Variants in RASEF observed in about 807,000 individuals in gnomAD.
RASEF encodes the protein ras and EF-hand domain-containing protein.
In RASEF, 68 loss-of-function variants were observed where a neutral mutation model predicts 90.1. The observed-to-expected ratio is 0.75, with a 90% CI of 0.62 to 0.92. The LOEUF (loss-of-function observed/expected upper bound fraction) is 0.92, where lower values mean the gene tolerates loss of function less well. Among genes scored for constraint, RASEF ranks in the 40% least tolerant of loss-of-function variants. RASEF has a pLI of 0.00. For synonymous variants in RASEF, 331 were observed against 345.2 expected (o/e 0.96, Z 0.46); for missense variants, 949 against 937.2 (o/e 1.01, Z -0.16).
the RASEF span, among the ~76,000 whole-genome samples, chr9:83,119,201 T>C: frequency 6.8e-6 from 1 of 147,038 alleles, no homozygotes; most frequent in Non-Finnish European, 1.5e-5. Flanking sequence ...GTATTTTTGG[T>C]AGAGACGGGG....
the RASEF span, among the ~76,000 whole-genome samples, chr9:83,123,209 T>C: frequency 3.7e-5 from 5 of 136,192 alleles, no homozygotes; most frequent in South Asian, 9.8e-4. Context: ...CTCTGCACTC[T>C]GGCCTGGGCT....
chr9:83,153,804 T>C, the RASEF span, among the ~76,000 whole-genome samples: 25,426 of 152,268 alleles, frequency 0.17, 2,325 homozygotes, highest in Non-Finnish European at 0.21. Flanking sequence ...TAGTGAGGAC[T>C]GTGTGGCACG....
chr9:83,192,714 T>TAA, the RASEF span, among the ~76,000 whole-genome samples: 105 of 68,502 alleles, frequency 1.5e-3, no homozygotes, highest in African/African-American at 4.6e-3. Context: ...AAAATAATAG[T>TAA]AAAAAAAAAA....
chr9:83,216,819 A>G, the RASEF span, among the ~76,000 whole-genome samples: 1 of 152,078 alleles, frequency 6.6e-6, no homozygotes, highest in South Asian at 2.1e-4. Context: ...GAAACTGGCC[A>G]AAACAAAGGG....
At position 82,980,762 on chromosome 9, in the gene RASEF, A is replaced by G. The variant is rs188711091; in HGVS notation, c.*1915T>C. The G allele has an allele frequency of 4.6e-4, 70 of 152,324 alleles. No individual in the cohort carries two copies. The highest frequency in any genetic ancestry group is 1.3e-3 in the African/African-American group (54 of 41,572). 9.4% of individuals were successfully genotyped at this position (152,324 alleles called of 1,614,324 possible). A position where few individuals can be genotyped will look rare whatever the true frequency, so the allele number is the denominator to read the frequency against. On this transcript the variant is annotated 3_prime_UTR_variant, in exon 17 of 17. Coordinates refer to ENST00000376447, the MANE Select transcript of RASEF (RefSeq NM_152573.4). ...GGCAAAAGTTTTCCCATGCCACATA[A>G]ATAATACCCCCCTTATTTTGAAAAA...
At chr9:83,101,657 T>C in the RASEF span, among the ~76,000 whole-genome samples, 1 of 152,338 alleles carries the variant, frequency 6.6e-6, no homozygotes, top group Admixed American at 6.5e-5. Flanking sequence ...CACACCACGT[T>C]GATTCTCGTT....
chr9:83,161,537 A>G, the RASEF span, among the ~76,000 whole-genome samples: 1 of 152,128 alleles, frequency 6.6e-6, no homozygotes, highest in East Asian at 1.9e-4. Flanking sequence ...TTACATGCTC[A>G]TAGGTGGAAG....
Position 83,048,803 on chromosome 9 carries a change from C to T in RASEF, c.431+13634G>A, listed in dbSNP as rs897015639. On this transcript the variant is annotated intron_variant, in intron 1 of 16. Transcript: ENST00000376447. Reference sequence around the variant, plus strand: ...GATTTCAAGTCCCATTAGAATATTTCTCATACTTGATTAACATGTAGACCT... The same window carrying T: ...GATTTCAAGTCCCATTAGAATATTTTTCATACTTGATTAACATGTAGACCT... 2.0e-5 allele frequency: 19 copies of T among 959,576 alleles called. No homozygotes were observed. The African/African-American group carries it at 3.0e-4, about 15-fold the overall frequency. The allele number at this position is 959,576 out of a possible 1,614,324, so 59.4% of individuals were successfully genotyped here.
chr9:83,134,866 A>G, the RASEF span, among the ~76,000 whole-genome samples: 1 of 152,224 alleles, frequency 6.6e-6, no homozygotes, highest in Non-Finnish European at 1.5e-5. Flanking sequence ...CCAAATGTCC[A>G]TCCACCAGTG....
At chr9:83,130,841 A>G in the RASEF span, among the ~76,000 whole-genome samples, 1 of 152,224 alleles carries the variant, frequency 6.6e-6, no homozygotes, top group Admixed American at 6.5e-5. Flanking sequence ...GCAAATACCC[A>G]GGTTGTCCTA....
intron 1 of RASEF, chr9:83,054,616 G>T (rs1372653898): frequency 6.7e-6 from 1 of 150,232 alleles, no homozygotes; most frequent in Non-Finnish European, 1.5e-5. Context: ...AGGAGGAGAG[G>T]TGCTCTGCTT....
At chr9:83,112,625 T>C in the RASEF span, among the ~76,000 whole-genome samples, 1 of 151,846 alleles carries the variant, frequency 6.6e-6, no homozygotes, top group Non-Finnish European at 1.5e-5. Context: ...AGGTGGAGGT[T>C]GTGGTGAGCC....
At chr9:83,053,489 T>C (rs1830055327) in intron 1 of RASEF, among the ~76,000 whole-genome samples, 2 of 134,798 alleles carry the variant, frequency 1.5e-5, no homozygotes, top group Non-Finnish European at 3.0e-5. Context: ...GGGTCCTGAC[T>C]CTTTATCCAA....
chr9:83,029,340 A>G (rs184139293), intron 1 of RASEF, among the ~76,000 whole-genome samples: 31 of 152,218 alleles, frequency 2.0e-4, no homozygotes, highest in Admixed American at 3.3e-4. Flanking sequence ...AGCTTAGTTA[A>G]GCCTGGCCCC....
At chr9:83,008,579 C>A (rs897062496) in intron 6 of RASEF, among the ~76,000 whole-genome samples, 1 of 152,014 alleles carries the variant, frequency 6.6e-6, no homozygotes, top group African/African-American at 2.4e-5. Context: ...TTAATGCTTG[C>A]GAAGGACCAG....
the RASEF span, among the ~76,000 whole-genome samples, chr9:83,125,136 C>G: frequency 6.6e-6 from 1 of 152,094 alleles, no homozygotes; most frequent in Non-Finnish European, 1.5e-5. Context: ...GATGGAGGGG[C>G]AGGGCAGTGG....
intron 2 of RASEF, among the ~76,000 whole-genome samples, chr9:83,024,003 T>A (rs79135339): frequency 0.03 from 4,499 of 152,286 alleles, 205 homozygotes; most frequent in African/African-American, 0.1. Flanking sequence ...CGGGGCTCCC[T>A]CCAGGACACT....
At chr9:82,995,666 A>G (rs1828902494) in intron 14 of RASEF, among the ~76,000 whole-genome samples, 1 of 152,024 alleles carries the variant, frequency 6.6e-6, no homozygotes, top group Non-Finnish European at 1.5e-5. Context: ...GACTGATCTC[A>G]AACTCCTCGG....
the RASEF span, among the ~76,000 whole-genome samples, chr9:83,207,134 T>C: frequency 6.6e-6 from 1 of 151,906 alleles, no homozygotes; most frequent in South Asian, 2.1e-4. Context: ...CATGCTCTGG[T>C]TTACGGGACG....
Sources: allele counts gnomAD v4.1 joint callset (sites outside exome capture counted in the v4.1 genomes callset), GRCh38; gene constraint gnomAD v4.1.1; transcripts MANE v1.5; gene names NCBI Gene and HGNC (gene_info 2026-07-23, HGNC 2026-07-21).